IPPK: variants seen among roughly 807,000 people sequenced by gnomAD.
IPPK encodes the protein inositol-pentakisphosphate 2-kinase.
In IPPK, 22 loss-of-function variants were observed where a neutral mutation model predicts 64.6. The observed-to-expected ratio is 0.34, with a 90% CI of 0.24 to 0.49. IPPK has a LOEUF of 0.49. Ranked by LOEUF, IPPK falls within the 20% of genes least tolerant of loss-of-function variation. The pLI is 0.99. For missense variants in IPPK, 532 were observed against 630.7 expected, an observed-to-expected ratio of 0.84 and a Z score of 1.68; for synonymous variants, 262 against 247.2, an observed-to-expected ratio of 1.06 and a Z score of -0.56.
chr9:92,665,706 C>T (rs1455273346), intron 1 of IPPK, among the ~76,000 whole-genome samples: 1 of 152,122 alleles, frequency 6.6e-6, no homozygotes, highest in Non-Finnish European at 1.5e-5. Context: ...TCTTTTGTAA[C>T]CTGCTTTTTC....
chr9:92,634,424 T>C lies in IPPK; in HGVS notation c.1132A>G (p.Thr378Ala). The change falls in exon 11 of 13, where the codon ACT becomes GCT. Residue 378 changes from threonine (T) to alanine (A), a missense_variant. Coordinates refer to ENST00000287996, the MANE Select transcript of IPPK (RefSeq NM_022755.6). ...AFYQKLLDLSTEDDGTVAFAL... is the reference protein window; with the variant it reads ...AFYQKLLDLSAEDDGTVAFAL... Reference sequence around the variant, plus strand: ...AAGGCCACTGTCCCGTCATCCTCAGTGGAAAGGTCAAGCAGCTTCTGGTAA... The same window carrying C: ...AAGGCCACTGTCCCGTCATCCTCAGCGGAAAGGTCAAGCAGCTTCTGGTAA... 6.2e-7 allele frequency: 1 copy of C among 1,614,082 alleles called. No homozygotes were observed.
At chr9:92,616,568 A>C (rs1235633639) in intron 12 of IPPK, 2 of 154,740 alleles carry the variant, frequency 1.3e-5, no homozygotes, top group African/African-American at 4.8e-5. Context: ...CTGTCTGCTG[A>C]GAAACGCAAG....
chr9:92,640,106 G>T (rs1019797300), intron 8 of IPPK, among the ~76,000 whole-genome samples: 6 of 152,224 alleles, frequency 3.9e-5, no homozygotes, highest in African/African-American at 1.4e-4. Context: ...CCAGGACTCT[G>T]TCCCCAGGTG....
intron 5 of IPPK, 151 bp downstream of exon 5, chr9:92,649,302 G>A (rs1480616555): frequency 5.9e-6 from 5 of 842,998 alleles, no homozygotes; most frequent in Non-Finnish European, 7.5e-6. Context: ...GGGGGCTGTG[G>A]AAGGACAGAA....
intron 5 of IPPK, among the ~76,000 whole-genome samples, chr9:92,648,732 G>A (rs1373600291): frequency 1.3e-5 from 2 of 152,218 alleles, no homozygotes; most frequent in African/African-American, 4.8e-5. Flanking sequence ...GGCCAGGAGT[G>A]TGACCCAGAA....
At chr9:92,654,934 C>T (rs1852340977) in intron 3 of IPPK, among the ~76,000 whole-genome samples, 1 of 152,236 alleles carries the variant, frequency 6.6e-6, no homozygotes, top group Non-Finnish European at 1.5e-5. Context: ...GGATTTGGCC[C>T]ACAGCAGCGA....
chr9:92,649,618 G>C (rs1852220384), intron 4 of IPPK, 44 bp from the exon 5 acceptor site: 2 of 1,609,152 alleles, frequency 1.2e-6, no homozygotes, highest in Non-Finnish European at 8.5e-7. Flanking sequence ...GTCAGTGAGA[G>C]AGATGAGATG....
intron 1 of IPPK, among the ~76,000 whole-genome samples, chr9:92,660,373 T>C (rs1852457490): frequency 6.6e-6 from 1 of 152,198 alleles, no homozygotes; most frequent in African/African-American, 2.4e-5. Flanking sequence ...CAGGCTGCCA[T>C]GGTGCAAGCT....
chr9:92,663,060 T>C (rs964398449), intron 1 of IPPK, among the ~76,000 whole-genome samples: 1 of 152,120 alleles, frequency 6.6e-6, no homozygotes, highest in Non-Finnish European at 1.5e-5. Flanking sequence ...TGCATGAGGA[T>C]TTTCTACATA....
At chr9:92,645,348 C>T (rs762250713) in intron 6 of IPPK, among the ~76,000 whole-genome samples, 7 of 151,838 alleles carry the variant, frequency 4.6e-5, no homozygotes, top group South Asian at 2.1e-4. Context: ...GTCATGTTCA[C>T]GCCACTGCAG....
chr9:92,632,439 C>T lies in IPPK; in HGVS notation c.1170+1947G>A, dbSNP rs549104780. On this transcript the variant is annotated intron_variant, in intron 11 of 12. Transcript: ENST00000287996. Reference sequence around the variant, plus strand: ...TAATGTCTGCTTTAGCTGCTTACAACACTACATTTACATATCAGGTTAAAA... The same window carrying T: ...TAATGTCTGCTTTAGCTGCTTACAATACTACATTTACATATCAGGTTAAAA... 3.3e-5 allele frequency among the ~76,000 whole-genome samples: 5 copies of T among 152,272 alleles called. No homozygotes were observed. The South Asian group carries it at 1.0e-3, about 32-fold the overall frequency.
chr9:92,622,801 G>C (rs1851666922), intron 11 of IPPK, among the ~76,000 whole-genome samples: 1 of 151,948 alleles, frequency 6.6e-6, no homozygotes, highest in Non-Finnish European at 1.5e-5. Context: ...AATTCATGTA[G>C]ATATGCAAAA....
At chr9:92,657,906 G>A (rs1852405872) in intron 2 of IPPK, among the ~76,000 whole-genome samples, 1 of 152,016 alleles carries the variant, frequency 6.6e-6, no homozygotes, top group Admixed American at 6.6e-5. Context: ...CCCTCAAGGG[G>A]CAGTGACTCA....
intron 2 of IPPK, among the ~76,000 whole-genome samples, chr9:92,656,987 A>C (rs10820998): frequency 0.18 from 27,514 of 152,128 alleles, 3,716 homozygotes; most frequent in East Asian, 0.73. Flanking sequence ...AGGTGATGAA[A>C]CTGGTTGAGA....
chr9:92,648,884 T>C (rs1192805943), intron 5 of IPPK, among the ~76,000 whole-genome samples: 3 of 152,206 alleles, frequency 2.0e-5, no homozygotes, highest in Non-Finnish European at 2.9e-5. Context: ...CCCCACTGCC[T>C]GGCACCAGAG....
At chr9:92,650,814 A>G (rs1193827794) in intron 4 of IPPK, among the ~76,000 whole-genome samples, 1 of 151,974 alleles carries the variant, frequency 6.6e-6, no homozygotes, top group Middle Eastern at 3.2e-3. Context: ...TCTCACATCT[A>G]GGCCCTTCCC....
At chr9:92,625,221 A>T (rs1366231450) in intron 11 of IPPK, among the ~76,000 whole-genome samples, 1 of 152,256 alleles carries the variant, frequency 6.6e-6, no homozygotes, top group African/African-American at 2.4e-5. Flanking sequence ...AGAAAATTAA[A>T]ATAAAACATT....
At chr9:92,656,983 T>C (rs1252837866) in intron 2 of IPPK, among the ~76,000 whole-genome samples, 3 of 152,172 alleles carry the variant, frequency 2.0e-5, no homozygotes, top group African/African-American at 7.2e-5. Context: ...AGTAAGGTGA[T>C]GAAACTGGTT....
Position 92,634,477 on chromosome 9 carries a change from T to C in IPPK, c.1079A>G (p.Gln360Arg). Residue 360 changes from glutamine to arginine, a missense_variant, in exon 11 of 13, where the codon CAA becomes CGA. Physicochemically the swap from Gln to Arg is conservative, Grantham distance 43 (BLOSUM62 1). Transcript: ENST00000287996. ...EEFPEERKTL[Q>R]IDGPYDEAFY... ...TGCTTCATCATAAGGCCCATCTATT[T>C]GTAAGGTTTTTCTGAAGAAGAAAGC... 6.2e-7 allele frequency: 1 copy of C among 1,613,378 alleles called. No homozygotes were observed.
Sources: gnomAD v4.1 joint callset for allele counts (sites outside exome capture counted in the v4.1 genomes callset) on GRCh38, gnomAD v4.1.1 for gene constraint, MANE v1.5 for transcripts, NCBI Gene and HGNC (gene_info 2026-07-23, HGNC 2026-07-21) for gene names.